The following ELMO1 variants were observed in gnomAD, a reference collection of about 807,000 sequenced individuals.
ELMO1 encodes engulfment and cell motility protein 1.
In ELMO1, 26 loss-of-function variants were observed where a neutral mutation model predicts 98.9. The ratio of observed to expected loss-of-function variants is 0.26; its 90% confidence interval spans 0.19 to 0.36. ELMO1 has a LOEUF of 0.36. Ranked by LOEUF, ELMO1 falls within the 10% of genes least tolerant of loss-of-function variation. The probability of loss-of-function intolerance (pLI) is 1.00; values close to 1 mark genes in which losing one functional copy is unlikely to be tolerated. For synonymous variants in ELMO1, 346 were observed against 346.0 expected, an observed-to-expected ratio of 1.00 and a Z score of 0.00; for missense variants, 627 against 935.2, an observed-to-expected ratio of 0.67 and a Z score of 4.30.
chr7:37,311,159 C>CA (rs369354930), intron 4 of ELMO1, among the ~76,000 whole-genome samples: 69 of 147,774 alleles, frequency 4.7e-4, no homozygotes, highest in Admixed American at 1.5e-3. Context: ...CCCACTGCAC[C>CA]AAAAAAAAAC....
At chr7:36,971,269 G>A (rs1292463947) in intron 16 of ELMO1, among the ~76,000 whole-genome samples, 2 of 152,196 alleles carry the variant, frequency 1.3e-5, no homozygotes, top group African/African-American at 4.8e-5. Flanking sequence ...TTGTGGAGGC[G>A]AGAGAAAGTT....
chr7:37,272,017 T>C lies in ELMO1; in HGVS notation c.193-135A>G, dbSNP rs181752044. The C allele has an allele frequency of 3.9e-5, 28 of 721,228 alleles. No homozygotes were observed. The East Asian group carries it at 7.2e-4, about 19-fold the overall frequency. The allele number at this position is 721,228 out of a possible 1,614,324, so 44.7% of individuals were successfully genotyped here. On this transcript the variant is annotated intron_variant, in intron 4 of 21. Transcript: ENST00000310758. The stretch of plus-strand genomic sequence containing the variant: ...CTTGAATAATTTTTAATTATTTCTA[T>C]AAAGGCTGTTAACTTTCTATCTGAC...
At chr7:37,332,561 A>G (rs1307444714) in intron 2 of ELMO1, among the ~76,000 whole-genome samples, 2 of 152,278 alleles carry the variant, frequency 1.3e-5, no homozygotes, top group Non-Finnish European at 2.9e-5. Context: ...CTGGGATGGA[A>G]GAATAAACAG....
intron 14 of ELMO1, among the ~76,000 whole-genome samples, chr7:37,098,991 C>G (rs1321549780): frequency 6.6e-6 from 1 of 152,224 alleles, no homozygotes; most frequent in African/African-American, 2.4e-5. Flanking sequence ...TTTAATGAGG[C>G]TGTGATCTGC....
intron 14 of ELMO1, among the ~76,000 whole-genome samples, chr7:37,125,244 A>T (rs1786417912): frequency 6.6e-6 from 1 of 152,208 alleles, no homozygotes; most frequent in African/African-American, 2.4e-5. Flanking sequence ...TTCATGTCTA[A>T]AACACCAAAA....
At chr7:37,185,301 C>T (rs1266823684) in intron 13 of ELMO1, among the ~76,000 whole-genome samples, 1 of 152,120 alleles carries the variant, frequency 6.6e-6, no homozygotes, top group Non-Finnish European at 1.5e-5. Flanking sequence ...ATAGGGAGGT[C>T]TAAGTAGTAT....
At chr7:37,422,903 C>T (rs1235127656) in intron 1 of ELMO1, among the ~76,000 whole-genome samples, 1 of 152,226 alleles carries the variant, frequency 6.6e-6, no homozygotes, top group Non-Finnish European at 1.5e-5. Context: ...CATTTATTGG[C>T]CGCAGCCCAT....
rs184281815 is a variant in ELMO1, at chr7:36,972,924, G to A, written c.1437+40375C>T. Among the ~76,000 whole-genome samples the A allele has an allele frequency of 7.4e-3, 1,125 of 152,132 alleles. 9 individuals carry two copies. The highest frequency in any genetic ancestry group is 0.01 in the Non-Finnish European group (681 of 68,000). On this transcript the variant is annotated intron_variant, in intron 16 of 21. Transcript: ENST00000310758. ...GCCTCCTGAGCAGCTGGGATTACAGGCGCCCACCACCACACCCAGCTAATT... is the reference window on the plus strand; with the variant it reads ...GCCTCCTGAGCAGCTGGGATTACAGACGCCCACCACCACACCCAGCTAATT...
chr7:37,087,575 T>G (rs1014389943), intron 15 of ELMO1, among the ~76,000 whole-genome samples: 1 of 152,212 alleles, frequency 6.6e-6, no homozygotes, highest in African/African-American at 2.4e-5. Context: ...AGCTTATTCA[T>G]GTGAGATGGA....
chr7:36,922,533 T>A (rs1288391220), intron 16 of ELMO1, among the ~76,000 whole-genome samples: 1 of 152,210 alleles, frequency 6.6e-6, no homozygotes, highest in East Asian at 1.9e-4. Context: ...GATTGCGGGA[T>A]CTTTTCTTTC....
intron 21 of ELMO1, among the ~76,000 whole-genome samples, chr7:36,856,751 G>A (rs1440208858): frequency 1.3e-5 from 2 of 152,194 alleles, no homozygotes; most frequent in African/African-American, 4.8e-5. Context: ...TTGGCATTCT[G>A]GATGCTGGGC....
chr7:37,388,133 T>TGGTGG (rs1367056992), intron 1 of ELMO1, among the ~76,000 whole-genome samples: 20 of 152,256 alleles, frequency 1.3e-4, no homozygotes, highest in African/African-American at 4.3e-4. Flanking sequence ...CACCATCTAG[T>TGGTGG]AACAATCTGT....
At chr7:37,085,290 A>G (rs1027323819) in intron 15 of ELMO1, among the ~76,000 whole-genome samples, 3 of 152,196 alleles carry the variant, frequency 2.0e-5, no homozygotes, top group African/African-American at 7.2e-5. Flanking sequence ...GTGTCTGCAA[A>G]AAGTGTTTTA....
At chr7:37,082,688 G>A (rs1469056645) in intron 15 of ELMO1, among the ~76,000 whole-genome samples, 1 of 152,022 alleles carries the variant, frequency 6.6e-6, no homozygotes, top group African/African-American at 2.4e-5. Context: ...CTGTGACTGC[G>A]TTACTGCACT....
At chr7:37,309,214 C>T (rs1340340091) in intron 4 of ELMO1, among the ~76,000 whole-genome samples, 1 of 152,158 alleles carries the variant, frequency 6.6e-6, no homozygotes, top group Non-Finnish European at 1.5e-5. Context: ...TCTTACATGG[C>T]AGCAGACAAG....
At chr7:37,063,522 C>T (rs71539814) in intron 15 of ELMO1, among the ~76,000 whole-genome samples, 12,728 of 152,162 alleles carry the variant, frequency 0.084, 769 homozygotes, top group African/African-American at 0.17. Flanking sequence ...TGGAACTAAA[C>T]TATAAACATT....
intron 16 of ELMO1, among the ~76,000 whole-genome samples, chr7:37,000,536 T>C (rs957474642): frequency 1.3e-5 from 2 of 152,054 alleles, no homozygotes; most frequent in African/African-American, 2.4e-5. Flanking sequence ...ATGCATTTTT[T>C]CCCCCCAATT....
intron 15 of ELMO1, among the ~76,000 whole-genome samples, chr7:37,027,203 C>T (rs941997169): frequency 2.0e-5 from 3 of 152,176 alleles, no homozygotes; most frequent in Non-Finnish European, 4.4e-5. Flanking sequence ...TAAAAGAGAA[C>T]AATGAATAAC....
intron 14 of ELMO1, among the ~76,000 whole-genome samples, chr7:37,106,714 T>C (rs1303578761): frequency 6.6e-6 from 1 of 152,068 alleles, no homozygotes; most frequent in Non-Finnish European, 1.5e-5. Context: ...GTGGCATTGG[T>C]ACAAAGTCCT....
Sources: gnomAD v4.1 joint callset for allele counts (sites outside exome capture counted in the v4.1 genomes callset) on GRCh38, gnomAD v4.1.1 for gene constraint, MANE v1.5 for transcripts, NCBI Gene and HGNC (gene_info 2026-07-23, HGNC 2026-07-21) for gene names.